The following MSLN variants were observed in gnomAD, a reference collection of about 807,000 sequenced individuals.
MSLN encodes mesothelin.
In MSLN, 82 loss-of-function variants were observed where a neutral mutation model predicts 72.6. The observed-to-expected ratio is 1.13, with a 90% CI of 0.94 to 1.36. MSLN has a LOEUF of 1.36. Among genes scored for constraint, MSLN ranks in the 40% most tolerant of loss-of-function variants. The probability of loss-of-function intolerance (pLI) is 0.00; values close to 1 mark genes in which losing one functional copy is unlikely to be tolerated. For synonymous variants in MSLN, 456 were observed against 387.3 expected (o/e 1.18, Z -2.08); for missense variants, 1,005 against 847.9 (o/e 1.19, Z -2.30).
intron 11 of MSLN, 130 bp from the exon 12 acceptor site, chr16:765,929 G>C (rs1003339225): frequency 7.5e-7 from 1 of 1,325,596 alleles, no homozygotes; most frequent in Non-Finnish European, 1.0e-6. Context: ...CAGAATCCCT[G>C]TTTGCCAGTG....
chr16:768,589 G>C (rs757842095), intron 17 of MSLN, 24 bp downstream of exon 17: 21 of 1,609,670 alleles, frequency 1.3e-5, no homozygotes, highest in Non-Finnish European at 1.8e-5. Context: ...CCAGGCCAGG[G>C]CTGGGGGCAG....
chr16:765,916 G>A (rs2041601610), intron 11 of MSLN, 126 bp downstream of exon 11: 2 of 1,316,550 alleles, frequency 1.5e-6, no homozygotes, highest in African/African-American at 1.5e-5. Context: ...CACAGAGAGT[G>A]GACAGAATCC....
chr16:762,622 G>A, intron 2 of MSLN, 50 bp from the exon 3 acceptor site: 2 of 1,418,694 alleles, frequency 1.4e-6, no homozygotes, highest in Non-Finnish European at 2.0e-6. Context: ...CCAGGACAGA[G>A]GCGTGGGGTG....
rs765084698 is a variant in MSLN, at chr16:764,953, C to A, written c.427C>A (p.Arg143Ser). The A allele has an allele frequency of 3.1e-6, 5 of 1,612,414 alleles. No individual in the cohort carries two copies. The highest frequency in any genetic ancestry group is 4.2e-6 in the Non-Finnish European group (5 of 1,179,766). ...CCAGGCCTGCACCCGTTTCTTCTCC[C>A]GCATCACGAAGGCCAATGTGGACCT... ...GPQACTRFFS[R>S]ITKANVDLLP... Residue 143 changes from arginine to serine, a missense_variant, in exon 8 of 18, where the codon CGC becomes AGC. Transcript: ENST00000545450.
At chr16:768,055 A>T (rs1177814414) in intron 16 of MSLN, among the ~76,000 whole-genome samples, 4 of 59,900 alleles carry the variant, frequency 6.7e-5, no homozygotes, top group Admixed American at 2.2e-4. Flanking sequence ...GGGCGCGTGG[A>T]GGAGGGGCAC....
At chr16:766,287 C>T (rs3765321) in intron 12 of MSLN, 48 bp from the exon 13 acceptor site, 23,243 of 1,610,142 alleles carry the variant, frequency 0.014, 1,281 homozygotes, top group South Asian at 0.14. Context: ...AAGCCATCCC[C>T]AGCCCCTCTG....
At position 765,789 on chromosome 16, in the gene MSLN, G is replaced by A. The variant is rs2041599564; in HGVS notation, c.894G>A (p.Glu298=). The A allele has an allele frequency of 1.3e-6, 2 of 1,598,286 alleles. No homozygotes were observed. The highest frequency in any genetic ancestry group is 2.2e-5 in the South Asian group (2 of 90,888). Residue 298 remains glutamate, a splice_region_variant and synonymous_variant, in exon 11 of 18, where the codon GAG becomes GAA. Coordinates refer to ENST00000545450, the MANE Select transcript of MSLN (RefSeq NM_005823.6). ...ILRPRFRREV[E]KTACPSGKKA... ...GGCCGCGGTTCCGGCGGGAAGTGGA[G>A]AGTGAGTGCCGTGCCCTGCGCAGTC... is the stretch of plus-strand genomic sequence containing the variant.
At position 766,766 on chromosome 16, in the gene MSLN, C is replaced by T; in HGVS notation, c.1329C>T (p.Ser443=). The part of the protein sequence containing the change: ...LTAFYPGYLC[S]LSPEELSSVP... ...CCTTCTACCCTGGGTACCTGTGCTC[C>T]CTCAGCCCCGAGGAGCTGAGCTCCG... The change falls in exon 14 of 18, where the codon TCC becomes TCT. Residue 443 remains serine, a synonymous_variant. Transcript: ENST00000545450. 1 of 1,612,638 alleles carries T rather than the reference C, an allele frequency of 6.2e-7. No individual in the cohort carries two copies. Among genetic ancestry groups the T allele is most frequent in the African/African-American group, 1.3e-5 (1 of 75,038 alleles).
chr16:763,371 C>T, intron 4 of MSLN, 95 bp downstream of exon 4: 1 of 1,129,140 alleles, frequency 8.9e-7, no homozygotes, highest in South Asian at 1.4e-5. Context: ...CGGTGCTTGC[C>T]AGTTTCCACG....
chr16:767,435 G>A lies in MSLN; in HGVS notation c.1561G>A (p.Ala521Thr), dbSNP rs1370811882. ...LSQQNVSMDL[A>T]TFMKLRTDAV... ...TCAGCAGAATGTGAGCATGGACTTG[G>A]CCACGTTCATGAAGCTGCGGACGGA... Residue 521 changes from alanine (A) to threonine (T), a missense_variant, in exon 16 of 18, where the codon GCC becomes ACC. Coordinates refer to ENST00000545450, the MANE Select transcript of MSLN (RefSeq NM_005823.6). The A allele has an allele frequency of 1.2e-6, 2 of 1,604,806 alleles. No individual in the cohort carries two copies. The highest frequency in any genetic ancestry group is 1.1e-5 in the South Asian group (1 of 90,600).
In MSLN at chr16:764,208, G is replaced by A. The variant is rs1212155653; in HGVS notation, c.300+65G>A. 6 of 1,560,102 alleles carry A rather than the reference G, an allele frequency of 3.8e-6. No homozygotes were observed. In the African/African-American group the frequency reaches 8.1e-5, roughly 21 times the overall value. The stretch of plus-strand genomic sequence containing the variant: ...GGCTGAGGAATTCACAGGCAGCTCT[G>A]CAGTGCCCACCTTGCCACCACGGTC... On this transcript the variant is annotated intron_variant, in intron 6 of 17. Transcript: ENST00000545450.
At chr16:765,369 C>A in intron 9 of MSLN, 66 bp downstream of exon 9, 1 of 1,465,592 alleles carries the variant, frequency 6.8e-7, no homozygotes, top group Non-Finnish European at 9.1e-7. Context: ...CGTGAGGACA[C>A]TTGCGGCCAT....
intron 1 of MSLN, 32 bp downstream of exon 1, chr16:760,853 C>A (rs1280002926): frequency 2.6e-5 from 4 of 152,352 alleles, no homozygotes; most frequent in Non-Finnish European, 2.9e-5. Context: ...ATCAGAGTTA[C>A]CCTGGGCAGG....
chr16:763,954 T>G, intron 5 of MSLN, 69 bp from the exon 6 acceptor site: 1 of 1,577,068 alleles, frequency 6.3e-7, no homozygotes, highest in Non-Finnish European at 8.5e-7. Flanking sequence ...GCTGTGGGGC[T>G]TGGGGAGCAC....
Position 762,765 on chromosome 16 carries a change from G to C in MSLN, c.85G>C (p.Gly29Arg). The change falls in exon 3 of 18, where the codon GGA (glycine) becomes CGA (arginine). Residue 29 changes from glycine (G) to arginine (R), a missense_variant and splice_region_variant. Coordinates refer to ENST00000545450, the MANE Select transcript of MSLN (RefSeq NM_005823.6). ...CCTCCTGTTCCTGCTCTTCAGCCTC[G>C]GTGCGTACTTGATGGGGCTGCTGGT... ...GSLLFLLFSL[G>R]WVQPSRTLAG... The C allele has an allele frequency of 6.3e-7, 1 of 1,580,646 alleles. No individual in the cohort carries two copies. Among genetic ancestry groups the C allele is most frequent in the African/African-American group, 1.4e-5 (1 of 73,610 alleles).
intron 16 of MSLN, 136 bp from the exon 17 acceptor site, chr16:768,243 G>A (rs554347980): frequency 1.5e-4 from 130 of 844,060 alleles, no homozygotes; most frequent in Admixed American, 4.3e-4. Context: ...TCAGCTGGCC[G>A]GAGACCTCCG....
At chr16:762,616 G>A (rs1372350674) in intron 2 of MSLN, 56 bp from the exon 3 acceptor site, 5 of 1,382,692 alleles carry the variant, frequency 3.6e-6, no homozygotes, top group Admixed American at 1.7e-5. Flanking sequence ...GCTGGCCCAG[G>A]ACAGAGGCGT....
At position 766,078 on chromosome 16, in the gene MSLN, C is replaced by G. The variant is rs768016014; in HGVS notation, c.915C>G (p.Gly305=). ...CTGCAGAGACAGCCTGTCCTTCAGG[C>G]AAGAAGGCCCGCGAGATAGACGAGA... The part of the protein sequence containing the change: ...REVEKTACPS[G]KKAREIDESL... The change falls in exon 12 of 18, where the codon GGC becomes GGG. Residue 305 remains glycine, a synonymous_variant. Transcript: ENST00000545450. 1 of 1,611,270 alleles carries G rather than the reference C, an allele frequency of 6.2e-7. No individual in the cohort carries two copies. The highest frequency in any genetic ancestry group is 2.2e-5 in the East Asian group (1 of 44,824).
At position 763,277 on chromosome 16, in the gene MSLN, G is replaced by T; in HGVS notation, c.129+1G>T. 2 of 1,543,370 alleles carry T rather than the reference G, an allele frequency of 1.3e-6. No individual in the cohort carries two copies. The highest frequency in any genetic ancestry group is 2.4e-5 in the South Asian group (2 of 82,856). On this transcript the variant is annotated splice_donor_variant, in intron 4 of 17. Coordinates refer to ENST00000545450, the MANE Select transcript of MSLN (RefSeq NM_005823.6). LOFTEE classifies it high-confidence loss of function. ...GACCCTGGCTGGAGAGACAGGGCAG[G>T]TAAGGTCCCCTCTGGGGAAACAGGG... is the stretch of plus-strand genomic sequence containing the variant.
Sources: allele counts gnomAD v4.1 joint callset (sites outside exome capture counted in the v4.1 genomes callset), GRCh38; gene constraint gnomAD v4.1.1; transcripts MANE v1.5; gene names NCBI Gene and HGNC (gene_info 2026-07-23, HGNC 2026-07-21).